The following SLC5A10 variants were observed in gnomAD, a reference collection of about 807,000 sequenced individuals.
The protein encoded by SLC5A10 is solute carrier family 5 member 10.
Under a neutral mutation model 68.9 loss-of-function variants are expected in SLC5A10, and 55 were observed. That is an observed-to-expected ratio of 0.80 (90% CI 0.64 to 1.00). The LOEUF (loss-of-function observed/expected upper bound fraction) is 1.00, where lower values mean the gene tolerates loss of function less well. Ranked by LOEUF, SLC5A10 falls within the 50% of genes least tolerant of loss-of-function variation. The probability of loss-of-function intolerance (pLI) is 0.00; values close to 1 mark genes in which losing one functional copy is unlikely to be tolerated. For synonymous variants in SLC5A10, 344 were observed against 344.8 expected, an observed-to-expected ratio of 1.00 and a Z score of 0.02; for missense variants, 732 against 819.3, an observed-to-expected ratio of 0.89 and a Z score of 1.30.
chr17:18,954,398 G>A (rs1383902959), intron 1 of SLC5A10, among the ~76,000 whole-genome samples: 1 of 152,244 alleles, frequency 6.6e-6, no homozygotes, highest in East Asian at 1.9e-4. Context: ...ACCTCTCCTA[G>A]TGAGTCAGCT....
At chr17:18,966,380 T>C (rs1432968006) in intron 5 of SLC5A10, among the ~76,000 whole-genome samples, 1 of 152,100 alleles carries the variant, frequency 6.6e-6, no homozygotes, top group Non-Finnish European at 1.5e-5. Context: ...GGTGCAGTCT[T>C]GTTGATTTTG....
At position 18,976,971 on chromosome 17, in the gene SLC5A10, A is replaced by G. The variant is rs1235183186; in HGVS notation, c.964A>G (p.Ser322Gly). ...CCTGATCATCATGCCGGGCATGATC[A>G]GCCGCGCATTGTTCCCAGGTAGGAC... ...MGLIIMPGMI[S>G]RALFPDDVGC... is the part of the protein sequence containing the mutation. The change falls in exon 9 of 15, where the codon AGC becomes GGC. Residue 322 changes from serine to glycine, a missense_variant. Transcript: ENST00000395645. The G allele has an allele frequency of 6.2e-7, 1 of 1,612,902 alleles. No individual in the cohort carries two copies. The highest frequency in any genetic ancestry group is 8.5e-7 in the Non-Finnish European group (1 of 1,179,806).
At chr17:18,992,850 G>A (rs1361706831) in intron 9 of SLC5A10, among the ~76,000 whole-genome samples, 1 of 152,142 alleles carries the variant, frequency 6.6e-6, no homozygotes, top group Non-Finnish European at 1.5e-5. Context: ...GCGCCCACAG[G>A]TCTGGGAGAG....
At chr17:18,981,982 G>A (rs144743548) in intron 9 of SLC5A10, among the ~76,000 whole-genome samples, 53 of 152,302 alleles carry the variant, frequency 3.5e-4, no homozygotes, top group Middle Eastern at 6.8e-3. Context: ...CTCCTGGCCC[G>A]GCCACAGACC....
intron 8 of SLC5A10, among the ~76,000 whole-genome samples, chr17:18,972,228 A>G (rs536583526): frequency 3.3e-5 from 5 of 152,160 alleles, no homozygotes; most frequent in Non-Finnish European, 7.4e-5. Flanking sequence ...TCCAGGGAGC[A>G]TGGGGGTGGG....
intron 1 of SLC5A10, among the ~76,000 whole-genome samples, chr17:18,953,354 G>A (rs191657534): frequency 1.3e-3 from 193 of 152,048 alleles, no homozygotes; most frequent in Admixed American, 4.5e-3. Context: ...GGCTAGTCTC[G>A]AACTCCTGAC....
In SLC5A10 at chr17:19,017,288, GGGA is replaced by G. The variant is rs1453364162; in HGVS notation, c.1241+2090_1241+2092del. 2.6e-5 allele frequency: 41 copies of G among 1,551,890 alleles called. No homozygotes were observed. The highest frequency in any genetic ancestry group is 3.5e-5 in the Non-Finnish European group (40 of 1,147,040). ...AACTTCCCGTCCCTCTTACAGCACT[GGGA>G]TACCCTCAACACCCCCAGCCCCTCA... On this transcript the variant is annotated intron_variant, in intron 11 of 14. Transcript: ENST00000395645. This position sits in a 1 kb window ranked among gnomAD's most constrained non-coding sequence, Gnocchi z 5.6.
chr17:19,003,579 T>TG lies in SLC5A10; in HGVS notation c.983-9825dup. ...TCTTTGATGTGGGCCTGCCCGTCTA[T>TG]GGGGGGCTGCATGTAGACGCTAGCC... On this transcript the variant is annotated intron_variant, in intron 9 of 14. Transcript: ENST00000395645. This position sits in a 1 kb window ranked among gnomAD's most constrained non-coding sequence, Gnocchi z 4.5. 1 of 1,597,262 alleles carries TG rather than the reference T, an allele frequency of 6.3e-7. No homozygotes were observed. The highest frequency in any genetic ancestry group is 1.7e-5 in the Admixed American group (1 of 57,240).
chr17:18,977,006 G>A lies in SLC5A10; in HGVS notation c.982+17G>A, dbSNP rs752609210. ...TGTTCCCAGGTAGGACGGGCTCCGG[G>A]CACTGAACCCAGGCTGCAGGGCACC... On this transcript the variant is annotated intron_variant, in intron 9 of 14. Coordinates refer to ENST00000395645, the MANE Select transcript of SLC5A10 (RefSeq NM_001042450.4). The A allele has an allele frequency of 4.4e-5, 71 of 1,609,982 alleles. No individual in the cohort carries two copies. The South Asian group carries it at 7.2e-4, about 16-fold the overall frequency.
chr17:18,977,075 G>A, intron 9 of SLC5A10, 86 bp downstream of exon 9: 1 of 1,566,998 alleles, frequency 6.4e-7, no homozygotes, highest in Non-Finnish European at 8.6e-7. Context: ...CAGAAGAAGA[G>A]GCAAAGGATA....
In SLC5A10 at chr17:19,019,788, C is replaced by T. The variant is rs1319474978; in HGVS notation, c.1486C>T (p.Pro496Ser). Residue 496 changes from proline (P) to serine (S), a missense_variant, in exon 13 of 15, where the codon CCA (proline) becomes TCA (serine). Coordinates refer to ENST00000395645, the MANE Select transcript of SLC5A10 (RefSeq NM_001042450.4). Reference protein sequence around the residue: ...RLVLEFLNPAPPCGEPDTRPA... With the variant: ...RLVLEFLNPASPCGEPDTRPA... ...GGTCCTGGAATTCCTGAACCCAGCC[C>T]CACCGTGCGGAGAGCCAGACACGCG... 1 of 1,613,216 alleles carries T rather than the reference C, an allele frequency of 6.2e-7. No homozygotes were observed.
chr17:18,976,177 G>A (rs1267046128), intron 8 of SLC5A10: 1 of 28,502 alleles, frequency 3.5e-5, no homozygotes, highest in African/African-American at 1.4e-4. Context: ...GACAGAGCAA[G>A]ACTCCGACTC....
chr17:19,003,885 C>T lies in SLC5A10; in HGVS notation c.983-9525C>T, dbSNP rs775941601. On this transcript the variant is annotated intron_variant, in intron 9 of 14. Coordinates refer to ENST00000395645, the MANE Select transcript of SLC5A10 (RefSeq NM_001042450.4). This position sits in a 1 kb window ranked among gnomAD's most constrained non-coding sequence, Gnocchi z 4.5. ...TCCGAGAGGAAGTCTCGGATGTTCT[C>T]CCGCTTGAGCACCTCGTAGAAGGCG... The T allele has an allele frequency of 1.2e-6, 2 of 1,612,940 alleles. No individual in the cohort carries two copies. The highest frequency in any genetic ancestry group is 1.7e-6 in the Non-Finnish European group (2 of 1,179,954).
chr17:18,999,314 C>T lies in SLC5A10; in HGVS notation c.983-14096C>T, dbSNP rs553692138. 2.0e-5 allele frequency among the ~76,000 whole-genome samples: 3 copies of T among 152,220 alleles called. No individual in the cohort carries two copies. The South Asian group carries it at 6.2e-4, about 32-fold the overall frequency. On this transcript the variant is annotated intron_variant, in intron 9 of 14. Coordinates refer to ENST00000395645, the MANE Select transcript of SLC5A10 (RefSeq NM_001042450.4). ...AAAAAAAAGAAAATGCTTTTACTGT[C>T]CTGAGTCAACAGGATCCAGCAGTGA...
At chr17:18,969,718 T>A (rs2042791727) in intron 7 of SLC5A10, 2 of 364,352 alleles carry the variant, frequency 5.5e-6, no homozygotes, top group Non-Finnish European at 9.9e-6. Context: ...GCTCAGCGCT[T>A]GATGGTGAGG....
chr17:19,008,401 A>G (rs1230384051), intron 9 of SLC5A10, among the ~76,000 whole-genome samples: 1 of 152,054 alleles, frequency 6.6e-6, no homozygotes, highest in Non-Finnish European at 1.5e-5. Context: ...TTTTGAGTTA[A>G]TTTTTGTATA....
At position 19,020,680 on chromosome 17, in the gene SLC5A10, C is replaced by A; in HGVS notation, c.*249C>A. 1.8e-6 allele frequency: 1 copy of A among 544,136 alleles called. No homozygotes were observed. The highest frequency in any genetic ancestry group is 3.3e-6 in the Non-Finnish European group (1 of 302,246). The allele number at this position is 544,136 out of a possible 1,614,324, so 33.7% of individuals were successfully genotyped here. A position where few individuals can be genotyped will look rare whatever the true frequency, so the allele number is the denominator to read the frequency against. The stretch of plus-strand genomic sequence containing the variant: ...ATTGGAAGGAAAATTAGATTTCTGA[C>A]GGACATCCTGATGTTGGTTTTACTG... On this transcript the variant is annotated 3_prime_UTR_variant, in exon 15 of 15. Coordinates refer to ENST00000395645, the MANE Select transcript of SLC5A10 (RefSeq NM_001042450.4).
At chr17:19,020,096 G>A in intron 13 of SLC5A10, 59 bp from the exon 14 acceptor site, 4 of 1,491,212 alleles carry the variant, frequency 2.7e-6, no homozygotes, top group Non-Finnish European at 2.8e-6. Context: ...GATCCTGTCT[G>A]GGTCACCCCC....
At chr17:19,020,119 C>A (rs772364589) in intron 13 of SLC5A10, 36 bp from the exon 14 acceptor site, 2 of 1,553,170 alleles carry the variant, frequency 1.3e-6, no homozygotes, top group Non-Finnish European at 1.8e-6. Context: ...CCTGCCATCC[C>A]CCACCCCCAA....
Sources: allele counts gnomAD v4.1 joint callset (sites outside exome capture counted in the v4.1 genomes callset), GRCh38; gene constraint gnomAD v4.1.1; non-coding constraint Gnocchi (gnomAD v3.1); transcripts MANE v1.5; gene names NCBI Gene and HGNC (gene_info 2026-07-23, HGNC 2026-07-21).